The following SGTB variants were observed in gnomAD, a reference collection of about 807,000 sequenced individuals.
SGTB encodes small glutamine-rich tetratricopeptide repeat-containing protein beta.
A neutral mutation model predicts 43.9 loss-of-function variants in SGTB; 19 were observed. The ratio of observed to expected loss-of-function variants is 0.43; its 90% confidence interval spans 0.30 to 0.63. The LOEUF (loss-of-function observed/expected upper bound fraction) is 0.63. Among genes scored for constraint, SGTB ranks in the 30% least tolerant of loss-of-function variants. The pLI is 0.12. For synonymous variants in SGTB, 116 were observed against 117.3 expected (o/e 0.99, Z 0.07); for missense variants, 304 against 358.9 (o/e 0.85, Z 1.24).
At chr5:65,671,833 G>A (rs548239690) in intron 10 of SGTB, 82 bp downstream of exon 10, 8 of 1,239,816 alleles carry the variant, frequency 6.5e-6, no homozygotes, top group African/African-American at 1.5e-5. Flanking sequence ...CATTTAAAAA[G>A]AAAGCCCTGA....
intron 2 of SGTB, among the ~76,000 whole-genome samples, chr5:65,717,442 T>A (rs1410477156): frequency 6.6e-6 from 1 of 151,516 alleles, no homozygotes; most frequent in Admixed American, 6.6e-5. Context: ...TAAAGTGATA[T>A]CCTGGAGTAG....
At position 65,667,558 on chromosome 5, in the gene SGTB, C is replaced by T. The variant is rs1009512808; in HGVS notation, c.*2688G>A. The T allele has an allele frequency of 6.6e-6, 1 of 152,190 alleles. No individual in the cohort carries two copies. The highest frequency in any genetic ancestry group is 6.5e-5 in the Admixed American group (1 of 15,288). 9.4% of individuals were successfully genotyped at this position (152,190 alleles called of 1,614,324 possible). A position where few individuals can be genotyped will look rare whatever the true frequency, so the allele number is the denominator to read the frequency against. ...TGGCTTAGATGGAATATGAATTTAA[C>T]TTCTGAGGGCCGAAGACTTAAATTG... On this transcript the variant is annotated 3_prime_UTR_variant, in exon 11 of 11. Coordinates refer to ENST00000381007, the MANE Select transcript of SGTB (RefSeq NM_019072.3).
chr5:65,672,123 T>G (rs888125654), intron 9 of SGTB, 121 bp downstream of exon 9: 4 of 1,573,350 alleles, frequency 2.5e-6, no homozygotes, highest in Non-Finnish European at 3.5e-6. Context: ...GTGTGTGGCT[T>G]TAAGCTCCAA....
At chr5:65,722,494 C>G (rs2548785), upstream of SGTB, 302,892 of 1,301,742 alleles carry the variant, frequency 0.23, 36,696 homozygotes, top group African/African-American at 0.27. Context: ...CCCGGACCCA[C>G]CCCTTCCCGA....
At position 65,682,083 on chromosome 5, in the gene SGTB, A is replaced by G. The variant is rs527961815; in HGVS notation, c.480-1289T>C. ...AAAGGGCAATATTAAAGGAATGAAT[A>G]GGAGAGCTGCTCAAAAAGTAGCCAC... On this transcript the variant is annotated intron_variant, in intron 6 of 10. Coordinates refer to ENST00000381007, the MANE Select transcript of SGTB (RefSeq NM_019072.3). 2.6e-5 allele frequency among the ~76,000 whole-genome samples: 4 copies of G among 152,336 alleles called. No individual in the cohort carries two copies. In the South Asian group the frequency reaches 8.3e-4, roughly 32 times the overall value.
intron 8 of SGTB, among the ~76,000 whole-genome samples, chr5:65,676,929 GCAAA>G (rs1757277035): frequency 6.7e-6 from 1 of 150,080 alleles, no homozygotes; most frequent in Non-Finnish European, 1.5e-5. Context: ...AGAAACAAGA[GCAAA>G]CAAACCCCGA....
At chr5:65,671,787 T>C (rs1355446783) in intron 10 of SGTB, 128 bp downstream of exon 10, 14 of 810,814 alleles carry the variant, frequency 1.7e-5, no homozygotes, top group Admixed American at 2.9e-5. Context: ...TTTAGTAACA[T>C]TAAGGAGGCT....
chr5:65,671,880 A>C (rs1266622070), intron 10 of SGTB, 35 bp downstream of exon 10: 3 of 1,584,712 alleles, frequency 1.9e-6, no homozygotes, highest in Non-Finnish European at 2.6e-6. Context: ...AACATAAAAT[A>C]CATCTTCACT....
At chr5:65,672,335 T>C in intron 8 of SGTB, 54 bp from the exon 9 acceptor site, 1 of 1,550,844 alleles carries the variant, frequency 6.4e-7, no homozygotes, top group Non-Finnish European at 8.7e-7. Flanking sequence ...GTAGGGATCT[T>C]AGCAAAGATT....
At chr5:65,713,980 G>A (rs1236331579) in intron 2 of SGTB, among the ~76,000 whole-genome samples, 1 of 152,048 alleles carries the variant, frequency 6.6e-6, no homozygotes, top group African/African-American at 2.4e-5. Context: ...CTTGAGCCTG[G>A]GAGGAGGAGG....
Position 65,686,912 on chromosome 5 carries a change from G to A in SGTB, c.375-1440C>T, listed in dbSNP as rs184685932. On this transcript the variant is annotated intron_variant, in intron 5 of 10. Coordinates refer to ENST00000381007, the MANE Select transcript of SGTB (RefSeq NM_019072.3). Reference sequence around the variant, plus strand: ...CCTGTCAATCAAACTATAGATTAGGGTTATCTAATACTACTTCTATATCAC... The same window carrying A: ...CCTGTCAATCAAACTATAGATTAGGATTATCTAATACTACTTCTATATCAC... Among the ~76,000 whole-genome samples, 6 of 152,140 alleles carry A rather than the reference G, an allele frequency of 3.9e-5. No homozygotes were observed. In the East Asian group the frequency reaches 1.2e-3, roughly 29 times the overall value.
Position 65,711,008 on chromosome 5 carries a change from A to G in SGTB, c.204+1953T>C, listed in dbSNP as rs908939090. ...AAGACTCTGTCTCAAAAAAAAAAAA[A>G]AAAAAAAATAGCCAGGCGTGGTGGC... On this transcript the variant is annotated intron_variant, in intron 3 of 10. Transcript: ENST00000381007. Among the ~76,000 whole-genome samples, 4 of 151,422 alleles carry G rather than the reference A, an allele frequency of 2.6e-5. 1 individual carries two copies. Among genetic ancestry groups the G allele is most frequent in the African/African-American group, 9.7e-5 (4 of 41,380 alleles).
rs1581243402 is a variant in SGTB, at chr5:65,672,274, C to G, written c.689G>C (p.Ser230Thr). The change falls in exon 9 of 11, where the codon AGT becomes ACT. Residue 230 changes from serine to threonine, a missense_variant. Physicochemically the swap from Ser to Thr is moderately conservative, Grantham distance 58. Transcript: ENST00000381007. The part of the protein sequence containing the change: ...NNPAFISMAA[S>T]LMQNPQVQQL... ...TTGAACTTGAGGGTTCTGCATTAAACTTGCCGCCTGGAATTGAAAAACAGC... is the reference window on the plus strand; with the variant it reads ...TTGAACTTGAGGGTTCTGCATTAAAGTTGCCGCCTGGAATTGAAAAACAGC... The G allele has an allele frequency of 6.2e-7, 1 of 1,614,072 alleles. No homozygotes were observed. The highest frequency in any genetic ancestry group is 2.2e-5 in the East Asian group (1 of 44,880).
At chr5:65,716,855 C>T (rs1407058574) in intron 2 of SGTB, among the ~76,000 whole-genome samples, 3 of 151,390 alleles carry the variant, frequency 2.0e-5, no homozygotes, top group Admixed American at 2.0e-4. Flanking sequence ...GGCTAAGAAG[C>T]CGAATGATAT....
chr5:65,717,844 G>C (rs1408943643), intron 2 of SGTB, among the ~76,000 whole-genome samples: 3 of 152,170 alleles, frequency 2.0e-5, no homozygotes, highest in African/African-American at 7.2e-5. Flanking sequence ...TTTATTTACG[G>C]CTACATGAGT....
chr5:65,697,517 T>G (rs530950626), intron 5 of SGTB, among the ~76,000 whole-genome samples: 1 of 152,346 alleles, frequency 6.6e-6, no homozygotes, highest in South Asian at 2.1e-4. Context: ...ACTCAAGTAT[T>G]TATTTCAAGA....
At chr5:65,689,866 A>G (rs2150710902) in intron 5 of SGTB, among the ~76,000 whole-genome samples, 1 of 151,942 alleles carries the variant, frequency 6.6e-6, no homozygotes, top group East Asian at 1.9e-4. Context: ...AAAAATGTTA[A>G]TATTTATTTA....
At chr5:65,676,314 C>T (rs1757263829) in intron 8 of SGTB, among the ~76,000 whole-genome samples, 1 of 151,350 alleles carries the variant, frequency 6.6e-6, no homozygotes, top group Non-Finnish European at 1.5e-5. Context: ...AAGACTCTGT[C>T]TCAAGAGAAA....
chr5:65,713,613 T>C (rs895653977), intron 2 of SGTB, among the ~76,000 whole-genome samples: 1 of 152,248 alleles, frequency 6.6e-6, no homozygotes, highest in Non-Finnish European at 1.5e-5. Context: ...CCACCACACC[T>C]AGCAACAACT....
Sources: allele counts gnomAD v4.1 joint callset (sites outside exome capture counted in the v4.1 genomes callset), GRCh38; gene constraint gnomAD v4.1.1; transcripts MANE v1.5; gene names NCBI Gene and HGNC (gene_info 2026-07-23, HGNC 2026-07-21).